ABCC1: variants seen among roughly 807,000 people sequenced by gnomAD.
The protein encoded by ABCC1 is multidrug resistance-associated protein 1.
In ABCC1, 83 loss-of-function variants were observed where a neutral mutation model predicts 172.9. That is an observed-to-expected ratio of 0.48 (90% CI 0.40 to 0.58). ABCC1 has a LOEUF of 0.58. Among genes scored for constraint, ABCC1 ranks in the 20% least tolerant of loss-of-function variants. The pLI is 0.00. For synonymous variants in ABCC1, 937 were observed against 825.2 expected (o/e 1.14, Z -2.32); for missense variants, 1,817 against 2,002.7 (o/e 0.91, Z 1.77).
intron 1 of ABCC1, among the ~76,000 whole-genome samples, chr16:15,953,982 T>G (rs1039358395): frequency 4.0e-4 from 60 of 150,470 alleles, no homozygotes; most frequent in African/African-American, 1.4e-3. Flanking sequence ...CTTCTCCTAC[T>G]TCCTCTGTTT....
chr16:16,131,779 G>A lies in ABCC1; in HGVS notation c.3820-10G>A. 2 of 1,612,702 alleles carry A rather than the reference G, an allele frequency of 1.2e-6. No individual in the cohort carries two copies. The highest frequency in any genetic ancestry group is 8.5e-7 in the Non-Finnish European group (1 of 1,179,446). ...AAATTCCTTACTCTCTCCCTTCACT[G>A]CGATCGAAGGCGCCCTGGCAAATCC... On this transcript the variant is annotated splice_polypyrimidine_tract_variant and intron_variant, in intron 26 of 30. Transcript: ENST00000399410.
intron 1 of ABCC1, among the ~76,000 whole-genome samples, chr16:15,969,225 T>C (rs1176682917): frequency 1.3e-5 from 2 of 152,068 alleles, no homozygotes; most frequent in African/African-American, 4.8e-5. Flanking sequence ...ACAAAACATA[T>C]AGTCTTTATT....
chr16:16,005,631 C>G (rs1007907048), intron 1 of ABCC1, among the ~76,000 whole-genome samples: 2 of 152,140 alleles, frequency 1.3e-5, no homozygotes, highest in African/African-American at 4.8e-5. Flanking sequence ...CAGGCGTGAG[C>G]CACTGCGCCC....
At chr16:16,120,538 G>A (rs1196655344) in intron 23 of ABCC1, among the ~76,000 whole-genome samples, 2 of 152,174 alleles carry the variant, frequency 1.3e-5, no homozygotes, top group Non-Finnish European at 2.9e-5. Context: ...GAGGGTGGGT[G>A]GAGCTGCTTG....
rs1182751066 is a variant in ABCC1 at position 16,016,661 on chromosome 16, T to A, written c.615+40T>A. On this transcript the variant is annotated intron_variant, in intron 5 of 30. Transcript: ENST00000399410. ...AGATGAGTGTGTGTGCGTGTGTGTG[T>A]GAGAGAGATGCGTGACACAGTACCA... 1.2e-6 allele frequency: 2 copies of A among 1,610,494 alleles called. No individual in the cohort carries two copies. The highest frequency in any genetic ancestry group is 1.7e-6 in the Non-Finnish European group (2 of 1,177,794).
intron 10 of ABCC1, among the ~76,000 whole-genome samples, chr16:16,052,050 G>C (rs150493933): frequency 2.5e-3 from 384 of 152,314 alleles, no homozygotes; most frequent in Admixed American, 4.2e-3. Flanking sequence ...AGGCAACATA[G>C]TGAGACCTTG....
intron 12 of ABCC1, among the ~76,000 whole-genome samples, chr16:16,066,202 G>T (rs972048903): frequency 2.0e-5 from 3 of 151,018 alleles, no homozygotes; most frequent in African/African-American, 7.3e-5. Context: ...TTTTTTTTGA[G>T]ACGAAGTGTC....
At chr16:16,132,683 A>G (rs951449409) in intron 27 of ABCC1, among the ~76,000 whole-genome samples, 2 of 151,144 alleles carry the variant, frequency 1.3e-5, no homozygotes, top group African/African-American at 4.9e-5. Context: ...CACCATGCCT[A>G]GCTAATTTTT....
At chr16:16,040,637 C>T (rs1441462218) in intron 7 of ABCC1, among the ~76,000 whole-genome samples, 1 of 151,658 alleles carries the variant, frequency 6.6e-6, no homozygotes, top group African/African-American at 2.4e-5. Context: ...TTTTAGGGTA[C>T]ATGTGCACAA....
intron 1 of ABCC1, among the ~76,000 whole-genome samples, chr16:15,992,038 C>G (rs781587882): frequency 6.6e-6 from 1 of 152,096 alleles, no homozygotes; most frequent in Non-Finnish European, 1.5e-5. Context: ...TTTGCATCAC[C>G]GCCTGAGCTC....
chr16:16,004,813 C>T (rs756288913), intron 1 of ABCC1, among the ~76,000 whole-genome samples: 4 of 151,612 alleles, frequency 2.6e-5, no homozygotes, highest in Non-Finnish European at 2.9e-5. Flanking sequence ...CACTACCCTG[C>T]CCGGCTAATT....
chr16:16,141,683 C>T lies in ABCC1; in HGVS notation c.*402C>T, dbSNP rs143079769. 4.2e-5 allele frequency: 8 copies of T among 191,886 alleles called. No homozygotes were observed. Among genetic ancestry groups the T allele is most frequent in the African/African-American group, 1.4e-4 (6 of 42,930 alleles). 11.9% of individuals were successfully genotyped at this position (191,886 alleles called of 1,614,324 possible). Reference sequence around the variant, plus strand: ...GCCTACTGCCTCGGATCTCTCCAGCCGAAGTCTGTGGACTGCAAGTCTTTG... The same window carrying T: ...GCCTACTGCCTCGGATCTCTCCAGCTGAAGTCTGTGGACTGCAAGTCTTTG... On this transcript the variant is annotated 3_prime_UTR_variant, in exon 31 of 31. Transcript: ENST00000399410.
chr16:15,959,808 T>G (rs2046088902), intron 1 of ABCC1, among the ~76,000 whole-genome samples: 1 of 152,246 alleles, frequency 6.6e-6, no homozygotes, highest in East Asian at 1.9e-4. Flanking sequence ...CCAGGGAGGG[T>G]GCCCCTAGGC....
chr16:16,016,418 T>A, intron 4 of ABCC1, 78 bp from the exon 5 acceptor site: 1 of 1,571,396 alleles, frequency 6.4e-7, no homozygotes, highest in Non-Finnish European at 8.7e-7. Context: ...CCTCCAAAAG[T>A]GCTAGGATTA....
intron 22 of ABCC1, 59 bp downstream of exon 22, chr16:16,111,641 T>C (rs1247597766): frequency 1.0e-5 from 15 of 1,499,298 alleles, no homozygotes; most frequent in Non-Finnish European, 4.6e-6. Flanking sequence ...CTTTGTCTAA[T>C]TATAGAAATG....
At chr16:16,005,334 C>G (rs1445896158) in intron 1 of ABCC1, among the ~76,000 whole-genome samples, 1 of 147,742 alleles carries the variant, frequency 6.8e-6, no homozygotes, top group African/African-American at 2.5e-5. Context: ...GGGCCCAGCA[C>G]CACCAGATTT....
At chr16:15,987,336 G>C (rs2046765908) in intron 1 of ABCC1, among the ~76,000 whole-genome samples, 1 of 152,152 alleles carries the variant, frequency 6.6e-6, no homozygotes, top group South Asian at 2.1e-4. Flanking sequence ...AGGTTTAGTT[G>C]CTGGCCTAGT....
At chr16:16,095,794 A>C (rs912076188) in intron 19 of ABCC1, among the ~76,000 whole-genome samples, 5 of 152,068 alleles carry the variant, frequency 3.3e-5, no homozygotes, top group Admixed American at 6.6e-5. Flanking sequence ...CCAAAATGCA[A>C]ATGCTGGGAT....
intron 18 of ABCC1, among the ~76,000 whole-genome samples, chr16:16,090,125 C>A (rs1462133880): frequency 6.6e-6 from 1 of 152,180 alleles, no homozygotes; most frequent in Non-Finnish European, 1.5e-5. Flanking sequence ...CTCCTGCGGC[C>A]CTGGAATCTG....
Sources: gnomAD v4.1 joint callset for allele counts (sites outside exome capture counted in the v4.1 genomes callset) on GRCh38, gnomAD v4.1.1 for gene constraint, MANE v1.5 for transcripts, NCBI Gene and HGNC (gene_info 2026-07-23, HGNC 2026-07-21) for gene names.